CEP104: variants seen among roughly 807,000 people sequenced by gnomAD.
CEP104 encodes the protein centrosomal protein 104.
Under a neutral mutation model 113.3 loss-of-function variants are expected in CEP104, and 84 were observed. The ratio of observed to expected loss-of-function variants is 0.74; its 90% confidence interval spans 0.62 to 0.89. The LOEUF is 0.89. Among genes scored for constraint, CEP104 ranks in the 40% least tolerant of loss-of-function variants. The probability of loss-of-function intolerance (pLI) is 0.00; values close to 1 mark genes in which losing one functional copy is unlikely to be tolerated. For missense variants in CEP104, 1,053 were observed against 1,156.6 expected (o/e 0.91, Z 1.30); for synonymous variants, 378 against 421.7 (o/e 0.90, Z 1.27).
At chr1:3,831,658 G>C (rs1192014395) in intron 12 of CEP104, among the ~76,000 whole-genome samples, 5 of 152,194 alleles carry the variant, frequency 3.3e-5, no homozygotes, top group African/African-American at 1.2e-4. Flanking sequence ...ACGGTCACCA[G>C]TGGGTTAAGA....
At position 3,829,948 on chromosome 1, in the gene CEP104, G is replaced by A. The variant is rs201408274; in HGVS notation, c.1886C>T (p.Ala629Val). The A allele has an allele frequency of 1.5e-4, 237 of 1,614,044 alleles. No homozygotes were observed. Among genetic ancestry groups the A allele is most frequent in the Non-Finnish European group, 2.0e-4 (234 of 1,180,042 alleles). Residue 629 changes from alanine (A) to valine (V), a missense_variant, in exon 14 of 22, where the codon GCG becomes GTG. By Grantham distance (64) the Ala-to-Val change is moderately conservative. Transcript: ENST00000378230. ...GTACATGTCCAAAATAATTCGAACCGCCGTCTCGCGGACCTCATACACTCT... is the reference window on the plus strand; with the variant it reads ...GTACATGTCCAAAATAATTCGAACCACCGTCTCGCGGACCTCATACACTCT... The part of the protein sequence containing the change: ...EHRVYEVRET[A>V]VRIILDMYRQ...
chr1:3,844,898 G>T lies in CEP104; in HGVS notation c.566+9C>A. ...AAAGAAGTTCATTGATGGGGAGCAG[G>T]ACTCTTACCTGGCGTACGTTCCTTC... is the stretch of plus-strand genomic sequence containing the variant. On this transcript the variant is annotated intron_variant, in intron 6 of 21. Coordinates refer to ENST00000378230, the MANE Select transcript of CEP104 (RefSeq NM_014704.4). 1 of 1,608,738 alleles carries T rather than the reference G, an allele frequency of 6.2e-7. No individual in the cohort carries two copies. The highest frequency in any genetic ancestry group is 8.5e-7 in the Non-Finnish European group (1 of 1,175,100).
chr1:3,828,778 G>A (rs1644142679), intron 15 of CEP104, among the ~76,000 whole-genome samples: 1 of 152,168 alleles, frequency 6.6e-6, no homozygotes. Context: ...CAGAAGCTGG[G>A]AGGCTGAAGA....
intron 17 of CEP104, 47 bp from the exon 18 acceptor site, chr1:3,825,913 C>G (rs1374837176): frequency 1.5e-6 from 2 of 1,298,700 alleles, no homozygotes; most frequent in Non-Finnish European, 2.2e-6. Flanking sequence ...TCTAGTTCCA[C>G]TGATGGCCGT....
intron 1 of CEP104, among the ~76,000 whole-genome samples, chr1:3,856,134 C>G (rs1267316896): frequency 6.6e-6 from 1 of 152,218 alleles, no homozygotes; most frequent in Non-Finnish European, 1.5e-5. Context: ...TGTGACTGCG[C>G]GCGGTGGCTC....
chr1:3,829,717 TTATTTACG>T (rs1428183607), intron 14 of CEP104, 66 bp downstream of exon 14: 25 of 1,461,900 alleles, frequency 1.7e-5, no homozygotes, highest in Non-Finnish European at 2.2e-5. Flanking sequence ...ACATATTTAC[TTATTTACG>T]TACCGAGTAA....
chr1:3,825,688 T>C, intron 18 of CEP104, 70 bp downstream of exon 18: 1 of 998,844 alleles, frequency 1.0e-6, no homozygotes, highest in Admixed American at 1.8e-5. Flanking sequence ...GACAGCTTTT[T>C]GACTCGGCCT....
Position 3,839,007 on chromosome 1 carries a change from A to T in CEP104, c.848T>A (p.Val283Glu), listed in dbSNP as rs1570817684. 1 of 1,613,826 alleles carries T rather than the reference A, an allele frequency of 6.2e-7. No individual in the cohort carries two copies. The highest frequency in any genetic ancestry group is 1.1e-5 in the South Asian group (1 of 91,074). ...KQQMEQYRAE[V>E]YEQLELHSLL... is the part of the protein sequence containing the mutation. ...GCTGTGCAGCTCCAGCTGCTCGTACACCTCGGCACGATACTGCTCCATCTG... is the reference window on the plus strand; with the variant it reads ...GCTGTGCAGCTCCAGCTGCTCGTACTCCTCGGCACGATACTGCTCCATCTG... The change falls in exon 8 of 22, where the codon GTG becomes GAG. Residue 283 changes from valine (V) to glutamate (E), a missense_variant. By Grantham distance (121) the Val-to-Glu change is moderately radical (BLOSUM62 -2). Coordinates refer to ENST00000378230, the MANE Select transcript of CEP104 (RefSeq NM_014704.4).
chr1:3,852,099 A>G (rs1315746646), intron 2 of CEP104, among the ~76,000 whole-genome samples, 196 bp downstream of exon 2: 1 of 152,182 alleles, frequency 6.6e-6, no homozygotes, highest in African/African-American at 2.4e-5. Context: ...GGTGAATGTT[A>G]TAAGGGAAAG....
At chr1:3,846,715 C>T (rs1469277114) in intron 4 of CEP104, among the ~76,000 whole-genome samples, 8 of 152,154 alleles carry the variant, frequency 5.3e-5, no homozygotes, top group Non-Finnish European at 2.9e-5. Flanking sequence ...CTTAATTGGA[C>T]CTTTGCGCTC....
chr1:3,850,139 C>T (rs1644583441), intron 2 of CEP104, among the ~76,000 whole-genome samples: 2 of 152,170 alleles, frequency 1.3e-5, no homozygotes, highest in African/African-American at 4.8e-5. Context: ...TCGATGAAAT[C>T]GACTGATGAT....
Position 3,815,458 on chromosome 1 carries a change from G to A in CEP104, c.2722C>T (p.Pro908Ser). The A allele has an allele frequency of 6.2e-7, 1 of 1,613,320 alleles. No homozygotes were observed. Among genetic ancestry groups the A allele is most frequent in the Non-Finnish European group, 8.5e-7 (1 of 1,179,858 alleles). ...TTGCTCAGTCCGCCCTTCGGGGTGGGGATCTTGCTTCCGGCCTTTGACCCC... is the reference window on the plus strand; with the variant it reads ...TTGCTCAGTCCGCCCTTCGGGGTGGAGATCTTGCTTCCGGCCTTTGACCCC... ...PLGSKAGSKI[P>S]TPKGGLSKSS... Residue 908 changes from proline to serine, a missense_variant, in exon 22 of 22, where the codon CCC becomes TCC. Physicochemically the swap from Pro to Ser is moderately conservative, Grantham distance 74 (BLOSUM62 -1). Coordinates refer to ENST00000378230, the MANE Select transcript of CEP104 (RefSeq NM_014704.4).
Position 3,836,619 on chromosome 1 carries a change from G to A in CEP104, c.1193C>T (p.Pro398Leu), listed in dbSNP as rs751693108. ...RKHYGEAVVE[P>L]EMSNADISDA... ...GCTGATGTCTGCATTACTCATTTCC[G>A]GCTCCACCACTGCCTCCCCATAATG... is the stretch of plus-strand genomic sequence containing the variant. Residue 398 changes from proline (P) to leucine (L), a missense_variant, in exon 10 of 22, where the codon CCG (proline) becomes CTG (leucine). Transcript: ENST00000378230. The A allele has an allele frequency of 1.5e-5, 25 of 1,613,492 alleles. No individual in the cohort carries two copies. Among genetic ancestry groups the A allele is most frequent in the Non-Finnish European group, 2.0e-5 (24 of 1,179,946 alleles).
At chr1:3,828,096 G>T (rs1644128098) in intron 15 of CEP104, among the ~76,000 whole-genome samples, 2 of 152,246 alleles carry the variant, frequency 1.3e-5, no homozygotes, top group South Asian at 4.2e-4. Context: ...ATAGCTCCTG[G>T]GCGGCTGCTG....
At chr1:3,856,455 C>T (rs185770651) in intron 1 of CEP104, among the ~76,000 whole-genome samples, 3 of 152,320 alleles carry the variant, frequency 2.0e-5, no homozygotes, top group Non-Finnish European at 2.9e-5. Flanking sequence ...TAAGTGCAAA[C>T]AAAACAAAAC....
intron 20 of CEP104, among the ~76,000 whole-genome samples, chr1:3,817,438 G>A (rs968712786): frequency 2.0e-5 from 3 of 152,102 alleles, no homozygotes; most frequent in Non-Finnish European, 2.9e-5. Context: ...CTTCTCCCTG[G>A]TTCCTCTCTC....
chr1:3,830,996 C>T (rs574470251), intron 13 of CEP104, 50 bp downstream of exon 13: 19 of 1,534,514 alleles, frequency 1.2e-5, no homozygotes, highest in African/African-American at 8.2e-5. Context: ...GCTCCAGGCA[C>T]TGTGGTGAGT....
At chr1:3,843,311 G>A (rs1239972500) in intron 6 of CEP104, 11 of 639,430 alleles carry the variant, frequency 1.7e-5, no homozygotes, top group Middle Eastern at 3.4e-4. Context: ...ATTCACCCCC[G>A]GTTCTTACAC....
At position 3,834,322 on chromosome 1, in the gene CEP104, G is replaced by A. The variant is rs147071739; in HGVS notation, c.1486-287C>T. Among the ~76,000 whole-genome samples the A allele has an allele frequency of 2.5e-3, 372 of 150,620 alleles. 4 individuals are homozygous for A. The highest frequency in any genetic ancestry group is 8.7e-3 in the African/African-American group (357 of 41,000). On this transcript the variant is annotated intron_variant, in intron 11 of 21. Coordinates refer to ENST00000378230, the MANE Select transcript of CEP104 (RefSeq NM_014704.4). ...TAAGCCCAAATCTTCCCTTCATACC[G>A]AGTATCTAACATCCCTGCTTCAATG... is the stretch of plus-strand genomic sequence containing the variant.
Sources: gnomAD v4.1 joint callset for allele counts (sites outside exome capture counted in the v4.1 genomes callset) on GRCh38, gnomAD v4.1.1 for gene constraint, MANE v1.5 for transcripts, NCBI Gene and HGNC (gene_info 2026-07-23, HGNC 2026-07-21) for gene names.